Variants in SLC1A2 observed in about 807,000 individuals in gnomAD.
The protein encoded by SLC1A2 is excitatory amino acid transporter 2.
In SLC1A2, 15 loss-of-function variants were observed where a neutral mutation model predicts 48.8. That is an observed-to-expected ratio of 0.31 (90% CI 0.21 to 0.47). The LOEUF (loss-of-function observed/expected upper bound fraction) is 0.47, where lower values mean the gene tolerates loss of function less well. SLC1A2 is among the 20% of genes least tolerant of loss of function. The probability of loss-of-function intolerance (pLI) is 0.99; values close to 1 mark genes in which losing one functional copy is unlikely to be tolerated. For missense variants in SLC1A2, 502 were observed against 730.5 expected (o/e 0.69, Z 3.61); for synonymous variants, 279 against 272.6 (o/e 1.02, Z -0.23).
chr11:35,357,068 C>A (rs186475133), intron 1 of SLC1A2, among the ~76,000 whole-genome samples: 1 of 151,706 alleles, frequency 6.6e-6, no homozygotes, highest in African/African-American at 2.4e-5. Context: ...GGTAAAACCC[C>A]GTCTCTGTTA....
At chr11:35,377,934 C>G (rs953263065) in intron 1 of SLC1A2, among the ~76,000 whole-genome samples, 6 of 152,220 alleles carry the variant, frequency 3.9e-5, no homozygotes, top group Non-Finnish European at 7.3e-5. Flanking sequence ...GATTCACAAC[C>G]TATTTCACTA....
Position 35,312,273 on chromosome 11 carries a change from C to T in SLC1A2, c.486G>A (p.Val162=). The part of the protein sequence containing the change: ...QLGPGKKNDE[V]SSLDAFLDLI... ...GGTCCAGGAAGGCATCCAGGCTGGA[C>T]ACTTCATCATTCTTCTTCCCAGGCC... The change falls in exon 4 of 11, where the codon GTG becomes GTA. Residue 162 remains valine, a synonymous_variant. Transcript: ENST00000278379. The T allele has an allele frequency of 6.2e-7, 1 of 1,614,120 alleles. No individual in the cohort carries two copies. The highest frequency in any genetic ancestry group is 1.3e-5 in the African/African-American group (1 of 75,018).
In SLC1A2 at chr11:35,419,331, C is replaced by G. The variant is rs1855712716; in HGVS notation, c.-365G>C. On this transcript the variant is annotated 5_prime_UTR_variant, in exon 1 of 11. Coordinates refer to ENST00000278379, the MANE Select transcript of SLC1A2 (RefSeq NM_004171.4). This position sits in a 1 kb window ranked among gnomAD's most constrained non-coding sequence, Gnocchi z 5.4. ...GCCCCTGCAGCCGCTGCCACCTGTGCTTTGCTGCGGGGCTCGCGGGCGCGG... is the reference window on the plus strand; with the variant it reads ...GCCCCTGCAGCCGCTGCCACCTGTGGTTTGCTGCGGGGCTCGCGGGCGCGG... 1 of 249,370 alleles carries G rather than the reference C, an allele frequency of 4.0e-6. No homozygotes were observed. The highest frequency in any genetic ancestry group is 2.2e-5 in the African/African-American group (1 of 44,534). The allele number at this position is 249,370 out of a possible 1,614,324, so 15.4% of individuals were successfully genotyped here.
At chr11:35,394,929 G>A (rs1191236971) in intron 1 of SLC1A2, among the ~76,000 whole-genome samples, 2 of 152,230 alleles carry the variant, frequency 1.3e-5, no homozygotes, top group Non-Finnish European at 2.9e-5. Flanking sequence ...AGGTCTGGAA[G>A]GCAAGTGTCC....
At chr11:35,384,073 CT>C (rs972326901) in intron 1 of SLC1A2, among the ~76,000 whole-genome samples, 10 of 152,194 alleles carry the variant, frequency 6.6e-5, no homozygotes, top group Admixed American at 6.5e-5. Context: ...CCAGCCAGGA[CT>C]TTTTTGGTTG....
rs1390370941 is a variant in SLC1A2 at position 35,252,206 on chromosome 11, A to G, written c.*8688T>C. ...TGCATTTGCAGTTAGTTAGTCAGCAATGTTTTTTCCTGTACCCTGACTCAA... is the reference window on the plus strand; with the variant it reads ...TGCATTTGCAGTTAGTTAGTCAGCAGTGTTTTTTCCTGTACCCTGACTCAA... On this transcript the variant is annotated 3_prime_UTR_variant, in exon 11 of 11. Coordinates refer to ENST00000278379, the MANE Select transcript of SLC1A2 (RefSeq NM_004171.4). The G allele has an allele frequency of 6.6e-6, 1 of 152,568 alleles. No homozygotes were observed. Among genetic ancestry groups the G allele is most frequent in the Non-Finnish European group, 1.5e-5 (1 of 68,014 alleles). The allele number at this position is 152,568 out of a possible 1,614,324, so 9.5% of individuals were successfully genotyped here. A position where few individuals can be genotyped will look rare whatever the true frequency, so the allele number is the denominator to read the frequency against.
chr11:35,292,218 G>T, intron 7 of SLC1A2, 69 bp downstream of exon 7: 2 of 1,119,586 alleles, frequency 1.8e-6, no homozygotes, highest in Non-Finnish European at 2.6e-6. Context: ...GGAGGGTTTT[G>T]AGAAATGAGA....
chr11:35,254,472 GA>G lies in SLC1A2; in HGVS notation c.*6421del. ...ATTCGCTCCATGGGTCCATGGGGGAGAAACCTCAGAGATGTGCTGGACCAAC... is the reference window on the plus strand; with the variant it reads ...ATTCGCTCCATGGGTCCATGGGGGAGAACCTCAGAGATGTGCTGGACCAAC... On this transcript the variant is annotated 3_prime_UTR_variant, in exon 11 of 11. Transcript: ENST00000278379. 4.9e-6 allele frequency: 1 copy of G among 204,248 alleles called. No individual in the cohort carries two copies. The highest frequency in any genetic ancestry group is 1.0e-5 in the Non-Finnish European group (1 of 98,690). 12.7% of individuals were successfully genotyped at this position (204,248 alleles called of 1,614,324 possible).
intron 9 of SLC1A2, among the ~76,000 whole-genome samples, chr11:35,275,253 T>C (rs1290729897): frequency 6.6e-6 from 1 of 152,240 alleles, no homozygotes; most frequent in East Asian, 1.9e-4. Flanking sequence ...AATTAGCACA[T>C]GTGAGCCCAG....
At chr11:35,360,061 C>G in intron 1 of SLC1A2, 3 of 985,070 alleles carry the variant, frequency 3.0e-6, no homozygotes, top group Non-Finnish European at 3.6e-6. Context: ...TCTCTCGGCT[C>G]CAGGAACGTG....
At chr11:35,341,495 T>C (rs574784600) in intron 1 of SLC1A2, among the ~76,000 whole-genome samples, 11 of 152,254 alleles carry the variant, frequency 7.2e-5, no homozygotes, top group African/African-American at 2.2e-4. Context: ...AATATTTTTT[T>C]AAAAAAACCT....
intron 10 of SLC1A2, among the ~76,000 whole-genome samples, chr11:35,263,203 C>T (rs1189006683): frequency 7.2e-5 from 11 of 152,148 alleles, no homozygotes; most frequent in African/African-American, 1.9e-4. Context: ...CAGTGGCTCA[C>T]GCCTGTAATC....
chr11:35,253,439 G>A lies in SLC1A2; in HGVS notation c.*7455C>T, dbSNP rs1221122125. On this transcript the variant is annotated 3_prime_UTR_variant, in exon 11 of 11. Coordinates refer to ENST00000278379, the MANE Select transcript of SLC1A2 (RefSeq NM_004171.4). ...AATTTCCACATAAACCTTTAGGAATGTATGAAACATTCTGATCTAGGAATA... is the reference window on the plus strand; with the variant it reads ...AATTTCCACATAAACCTTTAGGAATATATGAAACATTCTGATCTAGGAATA... The A allele has an allele frequency of 1.3e-5, 2 of 152,580 alleles. No homozygotes were observed. The highest frequency in any genetic ancestry group is 2.9e-5 in the Non-Finnish European group (2 of 68,032). 9.5% of individuals were successfully genotyped at this position (152,580 alleles called of 1,614,324 possible). A position where few individuals can be genotyped will look rare whatever the true frequency, so the allele number is the denominator to read the frequency against.
intron 1 of SLC1A2, among the ~76,000 whole-genome samples, chr11:35,409,544 C>T (rs4755407): frequency 0.69 from 104,735 of 151,998 alleles, 36,645 homozygotes; most frequent in African/African-American, 0.81. Flanking sequence ...ACATGGCACC[C>T]TTGGAAGGAC....
At chr11:35,398,228 GA>G (rs1291671833) in intron 1 of SLC1A2, among the ~76,000 whole-genome samples, 10 of 151,790 alleles carry the variant, frequency 6.6e-5, no homozygotes, top group Non-Finnish European at 1.0e-4. Context: ...GAAGGGGATA[GA>G]AAAAAAATAT....
chr11:35,353,249 T>C (rs1188110427), intron 1 of SLC1A2, among the ~76,000 whole-genome samples: 6 of 152,182 alleles, frequency 3.9e-5, no homozygotes, highest in African/African-American at 1.4e-4. Context: ...GATGACATTC[T>C]CCTTTTCTTG....
At chr11:35,322,788 A>G (rs1477553228) in intron 1 of SLC1A2, 6 of 734,878 alleles carry the variant, frequency 8.2e-6, no homozygotes, top group Non-Finnish European at 1.4e-5. Context: ...TCGAGCACCA[A>G]GAACCAGGAA....
At chr11:35,263,265 T>C (rs1434664451) in intron 10 of SLC1A2, among the ~76,000 whole-genome samples, 1 of 152,086 alleles carries the variant, frequency 6.6e-6, no homozygotes, top group Non-Finnish European at 1.5e-5. Context: ...AAGGAGTTAC[T>C]GACAAGCCTG....
Position 35,312,161 on chromosome 11 carries a change from G to A in SLC1A2, c.561+37C>T, listed in dbSNP as rs745593248. On this transcript the variant is annotated intron_variant, in intron 4 of 10. Transcript: ENST00000278379. ...TAAGTTATCGCCTTGATAACTTAGA[G>A]GACTGGAGAAGAGAGAACATCTGAA... 5 of 1,606,950 alleles carry A rather than the reference G, an allele frequency of 3.1e-6. No homozygotes were observed. The African/African-American group carries it at 6.7e-5, about 22-fold the overall frequency.
Sources: gnomAD v4.1 joint callset for allele counts (sites outside exome capture counted in the v4.1 genomes callset) on GRCh38, gnomAD v4.1.1 for gene constraint, Gnocchi (gnomAD v3.1) non-coding constraint, MANE v1.5 for transcripts, NCBI Gene and HGNC (gene_info 2026-07-23, HGNC 2026-07-21) for gene names.